The following NDC80 variants were observed in gnomAD, a reference collection of about 807,000 sequenced individuals.
NDC80 encodes NDC80 kinetochore complex component, also known as kinetochore protein NDC80 homolog.
In NDC80, 69 loss-of-function variants were observed where a neutral mutation model predicts 89.3. The ratio of observed to expected loss-of-function variants is 0.77; its 90% CI spans 0.64 to 0.94. The LOEUF (loss-of-function observed/expected upper bound fraction) is 0.94. NDC80 is among the 40% of genes least tolerant of loss of function. The pLI is 0.00. For missense variants in NDC80, 593 were observed against 739.6 expected (o/e 0.80, Z 2.30); for synonymous variants, 243 against 255.6 (o/e 0.95, Z 0.47).
chr18:2,573,108 C>A, intron 2 of NDC80, 22 bp downstream of exon 2: 1 of 1,565,736 alleles, frequency 6.4e-7, no homozygotes, highest in Non-Finnish European at 8.7e-7. Flanking sequence ...CCTTGTGGTT[C>A]TAATTTGCAT....
Position 2,595,641 on chromosome 18 carries a change from G to A in NDC80, c.1221+20G>A, listed in dbSNP as rs1346825882. 1 of 1,606,292 alleles carries A rather than the reference G, an allele frequency of 6.2e-7. No individual in the cohort carries two copies. The highest frequency in any genetic ancestry group is 2.2e-5 in the East Asian group (1 of 44,752). On this transcript the variant is annotated intron_variant, in intron 11 of 16. Coordinates refer to ENST00000261597, the MANE Select transcript of NDC80 (RefSeq NM_006101.3). ...GAAGCGGTATGTCATACCATTTCCA[G>A]AGTGGCAACTCATCATAGCTGACCT...
In NDC80 at chr18:2,608,717, T is replaced by C. The variant is rs764478896; in HGVS notation, c.1575T>C (p.Asp525=). ...QQKIKEAEEE[D]EKCASELESL... is the part of the protein sequence containing the mutation. ...CCTGATAGGAAGCAGAGGAAGAGGA[T>C]GAAAAATGTGCCAGTGAGCTTGAGT... The change falls in exon 15 of 17, where the codon GAT becomes GAC. Residue 525 remains aspartate, a synonymous_variant. Transcript: ENST00000261597. 6.2e-7 allele frequency: 1 copy of C among 1,612,298 alleles called. No homozygotes were observed. Among genetic ancestry groups the C allele is most frequent in the South Asian group, 1.1e-5 (1 of 90,960 alleles).
intron 7 of NDC80, among the ~76,000 whole-genome samples, chr18:2,585,770 A>C (rs2072600397): frequency 6.6e-6 from 1 of 152,222 alleles, no homozygotes; most frequent in Non-Finnish European, 1.5e-5. Flanking sequence ...TAAGTAAAAA[A>C]TGGAAGGGGA....
chr18:2,599,771 A>T (rs2072675189), intron 12 of NDC80, among the ~76,000 whole-genome samples: 1 of 152,234 alleles, frequency 6.6e-6, no homozygotes, highest in Non-Finnish European at 1.5e-5. Flanking sequence ...TTAGTATTTG[A>T]GTTGCCCCTA....
intron 15 of NDC80, among the ~76,000 whole-genome samples, chr18:2,609,387 GCTCAGTGGCACACACCTGTAGT>G (rs2072731007): frequency 3.3e-5 from 5 of 152,066 alleles, no homozygotes; most frequent in African/African-American, 1.2e-4. Flanking sequence ...CAGTAGTTAG[GCTCAGTGGCACACACCTGTAGT>G]CCCAGCTACT....
intron 6 of NDC80, among the ~76,000 whole-genome samples, chr18:2,579,386 T>C (rs2072564605): frequency 6.6e-6 from 1 of 152,200 alleles, no homozygotes; most frequent in Non-Finnish European, 1.5e-5. Context: ...ATCTCCAAAC[T>C]CAGACAATAA....
chr18:2,575,313 G>T (rs2072540746), intron 3 of NDC80, among the ~76,000 whole-genome samples: 1 of 152,166 alleles, frequency 6.6e-6, no homozygotes, highest in Admixed American at 6.5e-5. Context: ...CTAGCTTTCA[G>T]ACACGGTGGA....
intron 16 of NDC80, chr18:2,614,399 T>C (rs935155442): frequency 1.1e-5 from 2 of 186,300 alleles, no homozygotes; most frequent in East Asian, 1.8e-4. Flanking sequence ...ATCGCACCAC[T>C]GCACTCCAGC....
At position 2,616,633 on chromosome 18, in the gene NDC80, G is replaced by A; in HGVS notation, c.*59G>A. ...GTGAATAAAATTGTCTCAGTAAAGT[G>A]TATTTTTCTCTCTCATTTCTTACTA... On this transcript the variant is annotated 3_prime_UTR_variant, in exon 17 of 17. Transcript: ENST00000261597. 1 of 999,104 alleles carries A rather than the reference G, an allele frequency of 1.0e-6. No homozygotes were observed. The highest frequency in any genetic ancestry group is 1.3e-6 in the Non-Finnish European group (1 of 741,650). The allele number at this position is 999,104 out of a possible 1,614,324, so 61.9% of individuals were successfully genotyped here. A position where few individuals can be genotyped will look rare whatever the true frequency, so the allele number is the denominator to read the frequency against.
chr18:2,580,808 C>G (rs893879808), intron 6 of NDC80, among the ~76,000 whole-genome samples: 4 of 125,818 alleles, frequency 3.2e-5, no homozygotes, highest in Non-Finnish European at 4.8e-5. Context: ...GTGGCACAAT[C>G]TCGGCTCACT....
chr18:2,605,903 T>A (rs2072708958), intron 13 of NDC80, among the ~76,000 whole-genome samples: 1 of 152,182 alleles, frequency 6.6e-6, no homozygotes, highest in African/African-American at 2.4e-5. Flanking sequence ...TCAACTGATC[T>A]TAAAGTTCAA....
intron 10 of NDC80, 118 bp downstream of exon 10, chr18:2,590,280 T>C (rs2072621156): frequency 2.8e-6 from 3 of 1,057,118 alleles, no homozygotes; most frequent in Non-Finnish European, 2.6e-6. Flanking sequence ...TAGAGCAGGC[T>C]ACCAAGTTTT....
chr18:2,572,026 C>A (rs187701534), intron 1 of NDC80, among the ~76,000 whole-genome samples: 9 of 152,254 alleles, frequency 5.9e-5, no homozygotes, highest in Non-Finnish European at 1.2e-4. Flanking sequence ...AGTGTAGCTT[C>A]TTATGGCCGT....
intron 8 of NDC80, among the ~76,000 whole-genome samples, 178 bp downstream of exon 8, chr18:2,588,101 C>T (rs552553813): frequency 6.6e-6 from 1 of 152,096 alleles, no homozygotes; most frequent in Non-Finnish European, 1.5e-5. Flanking sequence ...AAAAAGAATA[C>T]TAGTGTTGGA....
At chr18:2,585,866 G>A (rs1243922278) in intron 7 of NDC80, among the ~76,000 whole-genome samples, 2 of 151,772 alleles carry the variant, frequency 1.3e-5, no homozygotes, top group African/African-American at 4.9e-5. Flanking sequence ...TATCAGTATT[G>A]GCAACATTAT....
intron 2 of NDC80, among the ~76,000 whole-genome samples, chr18:2,573,549 A>T (rs375991536): frequency 6.6e-6 from 1 of 152,214 alleles, no homozygotes; most frequent in African/African-American, 2.4e-5. Context: ...GATTTGCTGG[A>T]AAAATATCTG....
At chr18:2,594,571 G>A (rs912147942) in intron 10 of NDC80, 2 of 161,528 alleles carry the variant, frequency 1.2e-5, no homozygotes, top group Admixed American at 6.4e-5. Context: ...TGACTCAACT[G>A]TCATGGCTTA....
chr18:2,606,321 CAGTT>C, intron 13 of NDC80, 90 bp from the exon 14 acceptor site: 1 of 694,566 alleles, frequency 1.4e-6, no homozygotes, highest in East Asian at 3.0e-5. Context: ...TAACATTGTT[CAGTT>C]AGTTGATTGA....
At chr18:2,603,007 G>A (rs2072691848) in intron 13 of NDC80, among the ~76,000 whole-genome samples, 1 of 152,058 alleles carries the variant, frequency 6.6e-6, no homozygotes, top group African/African-American at 2.4e-5. Context: ...TTTTGATGTG[G>A]GCAACTGAGT....
Sources: allele counts gnomAD v4.1 joint callset (sites outside exome capture counted in the v4.1 genomes callset), GRCh38; gene constraint gnomAD v4.1.1; transcripts MANE v1.5; gene names NCBI Gene and HGNC (gene_info 2026-07-23, HGNC 2026-07-21).